The following NRG3 variants were observed in gnomAD, a reference collection of about 807,000 sequenced individuals.
NRG3 encodes the protein neuregulin 3.
In NRG3, 31 loss-of-function variants were observed where a neutral mutation model predicts 66.9. The ratio of observed to expected loss-of-function variants is 0.46; its 90% CI spans 0.35 to 0.63. The LOEUF is 0.63. Ranked by LOEUF, NRG3 falls within the 20% of genes least tolerant of loss-of-function variation. The pLI, the probability that NRG3 is intolerant of heterozygous loss-of-function variation, is 0.00. For synonymous variants in NRG3, 393 were observed against 359.4 expected (o/e 1.09, Z -1.06); for missense variants, 910 against 878.9 (o/e 1.04, Z -0.45).
At chr10:82,139,561 A>G (rs1349212507) in intron 1 of NRG3, among the ~76,000 whole-genome samples, 1 of 152,150 alleles carries the variant, frequency 6.6e-6, no homozygotes, top group Non-Finnish European at 1.5e-5. Context: ...AAACTACATT[A>G]TTGTTAATTT....
At chr10:82,846,951 A>G (rs576062824) in intron 3 of NRG3, among the ~76,000 whole-genome samples, 1 of 152,306 alleles carries the variant, frequency 6.6e-6, no homozygotes, top group East Asian at 1.9e-4. Flanking sequence ...CCATGGTTTG[A>G]GTAAATTGTG....
At chr10:82,507,145 A>C (rs1844756434) in intron 2 of NRG3, among the ~76,000 whole-genome samples, 1 of 152,252 alleles carries the variant, frequency 6.6e-6, no homozygotes, top group Non-Finnish European at 1.5e-5. Context: ...ATTTCAAGCC[A>C]TGCTGGGCCC....
chr10:82,437,606 G>A lies in NRG3; in HGVS notation c.953+78738G>A, dbSNP rs375398748. ...TGGAGAGATGTTGCGATCATTTGGA[G>A]GAGAGACACTTTGGCCTTTTGGGTT... On this transcript the variant is annotated intron_variant, in intron 2 of 8. Transcript: ENST00000372141. Among the ~76,000 whole-genome samples, 6 of 152,160 alleles carry A rather than the reference G, an allele frequency of 3.9e-5. No individual in the cohort carries two copies. In the East Asian group the frequency reaches 5.8e-4, roughly 15 times the overall value.
At chr10:82,748,210 T>C (rs957507250) in intron 3 of NRG3, among the ~76,000 whole-genome samples, 5 of 151,848 alleles carry the variant, frequency 3.3e-5, no homozygotes, top group African/African-American at 1.2e-4. Context: ...TGGTTAAATA[T>C]GATTCAACCA....
chr10:82,274,551 G>T (rs1406563429), intron 1 of NRG3, among the ~76,000 whole-genome samples: 1 of 151,892 alleles, frequency 6.6e-6, no homozygotes, highest in East Asian at 1.9e-4. Context: ...AATATGATGA[G>T]AAGTGTAAGT....
intron 1 of NRG3, among the ~76,000 whole-genome samples, chr10:81,937,856 G>A (rs759780843): frequency 2.6e-5 from 4 of 152,030 alleles, no homozygotes; most frequent in Non-Finnish European, 5.9e-5. Context: ...GATTCATCCA[G>A]TAGTTTTATA....
At chr10:82,816,485 A>T (rs1296270287) in intron 3 of NRG3, among the ~76,000 whole-genome samples, 1 of 151,968 alleles carries the variant, frequency 6.6e-6, no homozygotes, top group African/African-American at 2.4e-5. Context: ...AGCTGAGTCC[A>T]GGGTTTTCCT....
At chr10:81,983,502 C>T (rs2060411288) in intron 1 of NRG3, among the ~76,000 whole-genome samples, 1 of 152,096 alleles carries the variant, frequency 6.6e-6, no homozygotes, top group Non-Finnish European at 1.5e-5. Context: ...TGCAATTTGT[C>T]ACCTAGATCT....
chr10:82,172,473 C>T (rs1376485612), intron 1 of NRG3, among the ~76,000 whole-genome samples: 2 of 152,038 alleles, frequency 1.3e-5, no homozygotes. Context: ...TAACATATGT[C>T]CTTTGGGAAG....
intron 2 of NRG3, among the ~76,000 whole-genome samples, chr10:82,432,410 T>C (rs905019295): frequency 2.6e-5 from 4 of 151,744 alleles, no homozygotes; most frequent in African/African-American, 9.7e-5. Flanking sequence ...TCCATGTTGC[T>C]GCAAATGACA....
chr10:81,886,949 C>T (rs1842657346), intron 1 of NRG3, among the ~76,000 whole-genome samples: 1 of 151,976 alleles, frequency 6.6e-6, no homozygotes, highest in South Asian at 2.1e-4. Context: ...AATAGGGATG[C>T]TGTTTAATTT....
chr10:82,040,352 CACAG>C (rs1190124316), intron 1 of NRG3, among the ~76,000 whole-genome samples: 3 of 151,842 alleles, frequency 2.0e-5, no homozygotes, highest in African/African-American at 7.3e-5. Flanking sequence ...CACACACAAA[CACAG>C]ACATATATAC....
At chr10:82,049,537 A>G (rs1041667916) in intron 1 of NRG3, among the ~76,000 whole-genome samples, 4 of 151,908 alleles carry the variant, frequency 2.6e-5, no homozygotes, top group Admixed American at 6.6e-5. Flanking sequence ...ATTGAAAGCT[A>G]TTTTCAAAGA....
intron 2 of NRG3, among the ~76,000 whole-genome samples, chr10:82,412,141 C>G (rs1256250981): frequency 6.6e-6 from 1 of 152,034 alleles, no homozygotes; most frequent in Non-Finnish European, 1.5e-5. Context: ...AAAAAACTAA[C>G]ACATCAAATT....
intron 1 of NRG3, among the ~76,000 whole-genome samples, chr10:82,009,879 T>A (rs1281503961): frequency 6.6e-6 from 1 of 152,198 alleles, no homozygotes; most frequent in Non-Finnish European, 1.5e-5. Flanking sequence ...CACAGCGCAG[T>A]ATAGAAGCAC....
chr10:82,695,735 CCTT>C (rs2055327502), intron 2 of NRG3, among the ~76,000 whole-genome samples: 1 of 151,860 alleles, frequency 6.6e-6, no homozygotes, highest in Non-Finnish European at 1.5e-5. Flanking sequence ...ATTTTATTTT[CCTT>C]CTTCCATTGA....
chr10:82,725,094 T>G (rs942508676), intron 2 of NRG3, among the ~76,000 whole-genome samples: 8 of 152,210 alleles, frequency 5.3e-5, no homozygotes, highest in Non-Finnish European at 5.9e-5. Context: ...GTTACACGTC[T>G]GTATTCACTG....
At chr10:82,896,315 A>G (rs1843660142) in intron 4 of NRG3, among the ~76,000 whole-genome samples, 4 of 152,196 alleles carry the variant, frequency 2.6e-5, no homozygotes, top group South Asian at 4.1e-4. Context: ...TATGAAGCAC[A>G]TGCTGAAGAT....
chr10:82,919,480 G>C (rs765633792), intron 4 of NRG3, among the ~76,000 whole-genome samples: 9 of 152,124 alleles, frequency 5.9e-5, no homozygotes, highest in Admixed American at 2.0e-4. Context: ...TAGAGTCTAT[G>C]CATCCCAGGC....
Sources: allele counts gnomAD v4.1 joint callset (sites outside exome capture counted in the v4.1 genomes callset), GRCh38; gene constraint gnomAD v4.1.1; transcripts MANE v1.5; gene names NCBI Gene and HGNC (gene_info 2026-07-23, HGNC 2026-07-21).